KIAA1217: variants seen among roughly 807,000 people sequenced by gnomAD.
KIAA1217 encodes the protein sickle tail protein homolog.
A neutral mutation model predicts 163.9 loss-of-function variants in KIAA1217; 88 were observed. The ratio of observed to expected loss-of-function variants is 0.54; its 90% CI spans 0.45 to 0.64. The LOEUF (loss-of-function observed/expected upper bound fraction) is 0.64, where lower values mean the gene tolerates loss of function less well. Among genes scored for constraint, KIAA1217 ranks in the 30% least tolerant of loss-of-function variants. The pLI is 0.00. For synonymous variants in KIAA1217, 903 were observed against 923.1 expected (o/e 0.98, Z 0.39); for missense variants, 2,372 against 2,475.0 (o/e 0.96, Z 0.88).
chr10:23,872,846 T>C (rs968316259), intron 1 of KIAA1217, among the ~76,000 whole-genome samples: 2 of 152,104 alleles, frequency 1.3e-5, no homozygotes, highest in Non-Finnish European at 2.9e-5. Flanking sequence ...TCAATTTTTC[T>C]TCCCAGAGTT....
At chr10:24,490,931 G>A (rs568146956) in intron 6 of KIAA1217, among the ~76,000 whole-genome samples, 1 of 152,346 alleles carries the variant, frequency 6.6e-6, no homozygotes, top group South Asian at 2.1e-4. Context: ...AGCCAAGCAT[G>A]TGGGTACCTG....
At chr10:24,120,560 G>A (rs939698455) in intron 2 of KIAA1217, among the ~76,000 whole-genome samples, 8 of 152,094 alleles carry the variant, frequency 5.3e-5, no homozygotes, top group East Asian at 1.9e-4. Flanking sequence ...ATCTTGGCAC[G>A]CCACCTTTAC....
intron 2 of KIAA1217, among the ~76,000 whole-genome samples, chr10:24,107,991 A>G (rs2062697383): frequency 6.6e-6 from 1 of 152,176 alleles, no homozygotes; most frequent in Non-Finnish European, 1.5e-5. Context: ...GGGGTTGTCC[A>G]GGTAAAGGTA....
chr10:24,014,657 G>A lies in KIAA1217; in HGVS notation c.-171+7283G>A, dbSNP rs1847393444. On this transcript the variant is annotated intron_variant, in intron 2 of 18. Coordinates refer to the KIAA1217 transcript ENST00000376462. ...TACAGCATCTAACTCGTGAGCTTCAGCTAGAAATCTCAAGTCTGATGGAAA... is the reference window on the plus strand; with the variant it reads ...TACAGCATCTAACTCGTGAGCTTCAACTAGAAATCTCAAGTCTGATGGAAA... 3.3e-5 allele frequency among the ~76,000 whole-genome samples: 5 copies of A among 152,270 alleles called. 1 individual carries two copies. The South Asian group carries it at 1.0e-3, about 32-fold the overall frequency.
chr10:24,196,345 G>C (rs1194553519), intron 2 of KIAA1217, among the ~76,000 whole-genome samples: 1 of 152,222 alleles, frequency 6.6e-6, no homozygotes. Flanking sequence ...TTGCACAGGA[G>C]GCAGCTCAAA....
intron 1 of KIAA1217, among the ~76,000 whole-genome samples, chr10:23,871,846 T>C (rs906648180): frequency 6.6e-6 from 1 of 152,044 alleles, no homozygotes; most frequent in Non-Finnish European, 1.5e-5. Context: ...AATAATAGCA[T>C]CACCAACGTG....
At chr10:23,790,320 C>CATATGCATATAT (rs1491179197) in intron 1 of KIAA1217, among the ~76,000 whole-genome samples, 1 of 9,968 alleles carries the variant, frequency 1.0e-4, no homozygotes, top group Non-Finnish European at 3.1e-4. Flanking sequence ...TATACATATG[C>CATATGCATATAT]ACATATGCAT....
At chr10:24,089,877 T>A (rs1305890548) in intron 2 of KIAA1217, among the ~76,000 whole-genome samples, 1 of 151,728 alleles carries the variant, frequency 6.6e-6, no homozygotes, top group Non-Finnish European at 1.5e-5. Flanking sequence ...CCAAGGTAAT[T>A]TATAGATTCA....
At chr10:23,862,873 A>G (rs1840020105) in intron 1 of KIAA1217, among the ~76,000 whole-genome samples, 2 of 152,120 alleles carry the variant, frequency 1.3e-5, no homozygotes, top group Admixed American at 1.3e-4. Flanking sequence ...CATTCCTTGA[A>G]AAATATTAAT....
chr10:24,465,355 A>C (rs1237530858), intron 5 of KIAA1217, among the ~76,000 whole-genome samples: 1 of 152,224 alleles, frequency 6.6e-6, no homozygotes, highest in African/African-American at 2.4e-5. Flanking sequence ...ATAACCACAA[A>C]GTGATTTGAT....
intron 5 of KIAA1217, among the ~76,000 whole-genome samples, chr10:24,446,842 T>C (rs2060974631): frequency 6.6e-6 from 1 of 152,226 alleles, no homozygotes; most frequent in African/African-American, 2.4e-5. Flanking sequence ...GTGTGCTTGC[T>C]CAAAGCTACC....
chr10:24,010,979 A>G (rs995535755), intron 2 of KIAA1217, among the ~76,000 whole-genome samples: 2 of 152,134 alleles, frequency 1.3e-5, no homozygotes, highest in African/African-American at 2.4e-5. Context: ...TATAAGTCCA[A>G]TCTCTCCTTA....
intron 1 of KIAA1217, among the ~76,000 whole-genome samples, chr10:23,960,409 C>T (rs1386600357): frequency 6.6e-6 from 1 of 152,096 alleles, no homozygotes; most frequent in Non-Finnish European, 1.5e-5. Flanking sequence ...AGGCACGTGC[C>T]ACCACACCTG....
At chr10:23,786,556 A>C (rs1835505158) in intron 1 of KIAA1217, among the ~76,000 whole-genome samples, 1 of 151,814 alleles carries the variant, frequency 6.6e-6, no homozygotes, top group Non-Finnish European at 1.5e-5. Flanking sequence ...AAAAAAAATT[A>C]GTTACAATAG....
intron 1 of KIAA1217, among the ~76,000 whole-genome samples, chr10:23,793,020 ACAT>A (rs1836029345): frequency 6.7e-6 from 1 of 149,172 alleles, no homozygotes; most frequent in South Asian, 2.1e-4. Context: ...TTTCCAGGAA[ACAT>A]CATCACCTCT....
At chr10:24,405,501 C>CAG (rs980462649) in intron 3 of KIAA1217, among the ~76,000 whole-genome samples, 6 of 152,100 alleles carry the variant, frequency 3.9e-5, no homozygotes, top group Admixed American at 3.3e-4. Flanking sequence ...AATAAAAGAC[C>CAG]AGAGAGAGTG....
intron 2 of KIAA1217, among the ~76,000 whole-genome samples, chr10:24,120,758 A>C (rs1341587677): frequency 6.6e-6 from 1 of 152,200 alleles, no homozygotes; most frequent in Non-Finnish European, 1.5e-5. Flanking sequence ...GCATCAAGTC[A>C]TCTCTGCAAC....
chr10:24,437,906 C>CAAA lies in KIAA1217; in HGVS notation c.753-463_753-461dup, dbSNP rs58645832. Among the ~76,000 whole-genome samples, 80 of 63,696 alleles carry CAAA rather than the reference C, an allele frequency of 1.3e-3. 4 individuals carry two copies. The highest frequency in any genetic ancestry group is 4.1e-3 in the African/African-American group (62 of 14,958). The allele number at this position is 63,696 out of a possible 152,430, so 41.8% of individuals were successfully genotyped here. On this transcript the variant is annotated intron_variant, in intron 4 of 20. Coordinates refer to ENST00000376454, the MANE Select transcript of KIAA1217 (RefSeq NM_019590.5). ...TTCAGTTGCCGAAAGTGTTTGAAGG[C>CAAA]AAAAAAAAAAAAAAAAAAAGAAAAA... is the stretch of plus-strand genomic sequence containing the variant.
intron 1 of KIAA1217, among the ~76,000 whole-genome samples, chr10:23,759,158 A>G (rs931178569): frequency 6.6e-6 from 1 of 151,898 alleles, no homozygotes; most frequent in Admixed American, 6.6e-5. Context: ...ATTCCTAAGT[A>G]TTTTATTCTT....
Sources: gnomAD v4.1 joint callset for allele counts (sites outside exome capture counted in the v4.1 genomes callset) on GRCh38, gnomAD v4.1.1 for gene constraint, MANE v1.5 for transcripts, NCBI Gene and HGNC (gene_info 2026-07-23, HGNC 2026-07-21) for gene names.